Variants in IL3 observed in about 807,000 individuals in gnomAD.
The protein encoded by IL3 is interleukin 3, also known as interleukin-3.
In IL3, 15 loss-of-function variants were observed where a neutral mutation model predicts 15.4. The observed-to-expected ratio is 0.97, with a 90% confidence interval of 0.65 to 1.50. IL3 has a LOEUF of 1.50. IL3 is among the 40% of genes most tolerant of loss of function. The pLI is 0.00. For synonymous variants in IL3, 74 were observed against 79.3 expected (o/e 0.93, Z 0.36); for missense variants, 162 against 192.2 (o/e 0.84, Z 0.93).
At chr5:132,061,290 C>G (rs995289056) in intron 2 of IL3, among the ~76,000 whole-genome samples, 1 of 152,212 alleles carries the variant, frequency 6.6e-6, no homozygotes, top group African/African-American at 2.4e-5. Context: ...TACCAAGGGC[C>G]TTAAGGTCAG....
chr5:132,061,113 T>A, intron 2 of IL3, 105 bp downstream of exon 2: 1 of 948,968 alleles, frequency 1.1e-6, no homozygotes, highest in Non-Finnish European at 1.7e-6. Flanking sequence ...AAAATAGGGT[T>A]AATAGCACCT....
At chr5:132,061,821 T>A (rs889843026) in intron 2 of IL3, among the ~76,000 whole-genome samples, 64 of 147,426 alleles carry the variant, frequency 4.3e-4, no homozygotes, top group Middle Eastern at 3.5e-3. Context: ...CAGGCTGGAG[T>A]GCAGTGGCAC....
chr5:132,062,446 C>T (rs1756496944), intron 3 of IL3, 45 bp downstream of exon 3: 3 of 1,611,760 alleles, frequency 1.9e-6, no homozygotes, highest in Admixed American at 1.7e-5. Context: ...GTTGGCCCTG[C>T]CCTGCCTCTG....
rs202189219 is a variant in IL3, at chr5:132,062,306, C to G, written c.205-6C>G. 1.2e-5 allele frequency: 19 copies of G among 1,609,334 alleles called. No homozygotes were observed. In the South Asian group the frequency reaches 1.9e-4, roughly 16 times the overall value. On this transcript the variant is annotated splice_region_variant and splice_polypyrimidine_tract_variant and intron_variant, in intron 2 of 4. Coordinates refer to ENST00000296870, the MANE Select transcript of IL3 (RefSeq NM_000588.4). ...TCCCCCTTAAGTGTATTCTCTGCCCCGTTAGGAAAATAACCTTCGAAGGCC... is the reference window on the plus strand; with the variant it reads ...TCCCCCTTAAGTGTATTCTCTGCCCGGTTAGGAAAATAACCTTCGAAGGCC...
At chr5:132,062,498 G>A in intron 3 of IL3, 28 bp from the exon 4 acceptor site, 2 of 1,614,144 alleles carry the variant, frequency 1.2e-6, no homozygotes, top group Non-Finnish European at 1.7e-6. Flanking sequence ...GGGAATCTCT[G>A]ACCATCTGCT....
chr5:132,062,855 A>G lies in IL3; in HGVS notation c.*64A>G, dbSNP rs1470101896. ...AGAGCCTCGGGACATCAAAAACAGCAGAACTTCTGAAACCTCTGGGTCATC... is the reference window on the plus strand; with the variant it reads ...AGAGCCTCGGGACATCAAAAACAGCGGAACTTCTGAAACCTCTGGGTCATC... On this transcript the variant is annotated 3_prime_UTR_variant, in exon 5 of 5. Transcript: ENST00000296870. 4.5e-6 allele frequency: 7 copies of G among 1,556,326 alleles called. No individual in the cohort carries two copies. In the East Asian group the frequency reaches 1.4e-4, roughly 30 times the overall value.
chr5:132,062,591 G>A (rs375809148), intron 4 of IL3, 24 bp downstream of exon 4: 17 of 1,613,620 alleles, frequency 1.1e-5, no homozygotes, highest in African/African-American at 5.3e-5. Context: ...CAAGATGCCC[G>A]TCATGGCTTG....
chr5:132,062,189 T>G, intron 2 of IL3, 123 bp from the exon 3 acceptor site: 1 of 809,630 alleles, frequency 1.2e-6, no homozygotes, highest in Non-Finnish European at 2.1e-6. Flanking sequence ...AGAACGGGAC[T>G]AGGAGGGAAC....
rs775699259 is a variant in IL3 at position 132,062,293 on chromosome 5, G to A, written c.205-19G>A. The A allele has an allele frequency of 5.0e-6, 8 of 1,587,576 alleles. No individual in the cohort carries two copies. The African/African-American group carries it at 5.4e-5, about 11-fold the overall frequency. On this transcript the variant is annotated intron_variant, in intron 2 of 4. Transcript: ENST00000296870. ...ACTCTGTAACCTTTCCCCCTTAAGT[G>A]TATTCTCTGCCCCGTTAGGAAAATA...
Position 132,062,962 on chromosome 5 carries a change from T to C in IL3, c.*171T>C. On this transcript the variant is annotated 3_prime_UTR_variant, in exon 5 of 5. Transcript: ENST00000296870. ...TGTTAATTATCTAATTTCTGAAATG[T>C]GCAGCTCCCATTTGGCCTTGTGCGG... 1.1e-6 allele frequency: 1 copy of C among 901,204 alleles called. No individual in the cohort carries two copies. The highest frequency in any genetic ancestry group is 2.7e-5 in the East Asian group (1 of 37,354). 55.8% of individuals were successfully genotyped at this position (901,204 alleles called of 1,614,324 possible).
chr5:132,061,750 G>T (rs2127006381), intron 2 of IL3, among the ~76,000 whole-genome samples: 1 of 147,320 alleles, frequency 6.8e-6, no homozygotes, highest in African/African-American at 2.5e-5. Context: ...GATCCACCTA[G>T]GTACCCCCTC....
chr5:132,062,464 G>A, intron 3 of IL3, 62 bp from the exon 4 acceptor site: 1 of 1,612,868 alleles, frequency 6.2e-7, no homozygotes, highest in East Asian at 2.2e-5. Context: ...CTGGGGAGGA[G>A]AGCAGGGCCC....
At chr5:132,062,469 G>A (rs1756497310) in intron 3 of IL3, 57 bp from the exon 4 acceptor site, 1 of 1,613,282 alleles carries the variant, frequency 6.2e-7, no homozygotes, top group South Asian at 1.1e-5. Context: ...GAGGAGAGCA[G>A]GGCCCACTCC....
In IL3 at chr5:132,062,378, T is replaced by A. The variant is rs759943736; in HGVS notation, c.271T>A (p.Ser91Thr). ...NRAVKSLQNA[S>T]AIESILKNLL... ...GGCTGTCAAGAGTTTACAGAACGCA[T>A]CAGCAATTGAGAGCATTCTTAAAGT... is the stretch of plus-strand genomic sequence containing the variant. The change falls in exon 3 of 5, where the codon TCA (serine) becomes ACA (threonine). Residue 91 changes from serine to threonine, a missense_variant. Transcript: ENST00000296870. The A allele has an allele frequency of 1.2e-6, 2 of 1,614,044 alleles. No individual in the cohort carries two copies. The highest frequency in any genetic ancestry group is 1.3e-5 in the African/African-American group (1 of 74,948).
chr5:132,060,854 C>A lies in IL3; in HGVS notation c.148C>A (p.Pro50Thr). 1.2e-6 allele frequency: 2 copies of A among 1,614,146 alleles called. No homozygotes were observed. The highest frequency in any genetic ancestry group is 1.7e-6 in the Non-Finnish European group (2 of 1,179,950). Residue 50 changes from proline to threonine, a missense_variant, in exon 1 of 5, where the codon CCT (proline) becomes ACT (threonine). Pro to Thr is a conservative substitution (Grantham distance 38, BLOSUM62 -1). Coordinates refer to ENST00000296870, the MANE Select transcript of IL3 (RefSeq NM_000588.4). ...AATTATAACACACTTAAAGCAGCCA[C>A]CTTTGCCTTTGCTGGTGAGTAGCTT... ...DEIITHLKQP[P>T]LPLLDFNNLN...
chr5:132,062,733 T>C lies in IL3; in HGVS notation c.401T>C (p.Leu134Pro), dbSNP rs1388292458. Residue 134 changes from leucine to proline, a missense_variant, in exon 5 of 5, where the codon CTG (leucine) becomes CCG (proline). Physicochemically the swap from Leu to Pro is moderately conservative, Grantham distance 98 (BLOSUM62 -3). Transcript: ENST00000296870. ...NEFRRKLTFY[L>P]KTLENAQAQQ... The stretch of plus-strand genomic sequence containing the variant: ...TTCCGGAGGAAACTGACGTTCTATC[T>C]GAAAACCCTTGAGAATGCGCAGGCT... The C allele has an allele frequency of 6.2e-7, 1 of 1,614,106 alleles. No individual in the cohort carries two copies. Among genetic ancestry groups the C allele is most frequent in the Non-Finnish European group, 8.5e-7 (1 of 1,180,026 alleles).
In IL3 at chr5:132,062,838, G is replaced by C; in HGVS notation, c.*47G>C. On this transcript the variant is annotated 3_prime_UTR_variant, in exon 5 of 5. Coordinates refer to ENST00000296870, the MANE Select transcript of IL3 (RefSeq NM_000588.4). The stretch of plus-strand genomic sequence containing the variant: ...CTGGGCCTTCTCACCACAGAGCCTC[G>C]GGACATCAAAAACAGCAGAACTTCT... The C allele has an allele frequency of 6.3e-7, 1 of 1,577,598 alleles. No homozygotes were observed.
In IL3 at chr5:132,061,025, T is replaced by C; in HGVS notation, c.204+17T>C. The stretch of plus-strand genomic sequence containing the variant: ...ATTCTGATGGTAAGAGCTCAGCCCG[T>C]GGATCCCGATCCACTTCCTGCCTGG... On this transcript the variant is annotated intron_variant, in intron 2 of 4. Coordinates refer to ENST00000296870, the MANE Select transcript of IL3 (RefSeq NM_000588.4). 6.2e-7 allele frequency: 1 copy of C among 1,613,438 alleles called. No individual in the cohort carries two copies. Among genetic ancestry groups the C allele is most frequent in the Non-Finnish European group, 8.5e-7 (1 of 1,179,378 alleles).
At chr5:132,061,462 CTG>C (rs1486561953) in intron 2 of IL3, among the ~76,000 whole-genome samples, 2 of 152,138 alleles carry the variant, frequency 1.3e-5, no homozygotes, top group African/African-American at 2.4e-5. Flanking sequence ...TGCAGTTGTT[CTG>C]TCTCACCTTT....
Sources: allele counts gnomAD v4.1 joint callset (sites outside exome capture counted in the v4.1 genomes callset), GRCh38; gene constraint gnomAD v4.1.1; transcripts MANE v1.5; gene names NCBI Gene and HGNC (gene_info 2026-07-23, HGNC 2026-07-21).